Variants in ST18 observed in about 807,000 individuals in gnomAD.
ST18 encodes the protein ST18 C2H2C-type zinc finger transcription factor, also known as suppression of tumorigenicity 18 protein.
ST18 carries 50 observed loss-of-function variants against 110.0 expected under a neutral mutation model. The ratio of observed to expected loss-of-function variants is 0.45; its 90% CI spans 0.36 to 0.58. The LOEUF (loss-of-function observed/expected upper bound fraction) is 0.58, where lower values mean the gene tolerates loss of function less well. Ranked by LOEUF, ST18 falls within the 20% of genes least tolerant of loss-of-function variation. The probability of loss-of-function intolerance (pLI) is 0.00; values close to 1 mark genes in which losing one functional copy is unlikely to be tolerated. For missense variants in ST18, 1,306 were observed against 1,280.1 expected, an observed-to-expected ratio of 1.02 and a Z score of -0.31; for synonymous variants, 461 against 452.4, an observed-to-expected ratio of 1.02 and a Z score of -0.24.
intron 2 of ST18, among the ~76,000 whole-genome samples, chr8:52,401,243 T>G (rs1842735864): frequency 6.6e-6 from 1 of 152,182 alleles, no homozygotes; most frequent in African/African-American, 2.4e-5. Flanking sequence ...CTCTTGCTGC[T>G]TTTTAAATTC....
At chr8:52,388,222 G>A (rs537015767) in intron 2 of ST18, among the ~76,000 whole-genome samples, 1 of 152,230 alleles carries the variant, frequency 6.6e-6, no homozygotes, top group Admixed American at 6.5e-5. Flanking sequence ...GGCGAATACG[G>A]AGATGTGCAC....
intron 2 of ST18, among the ~76,000 whole-genome samples, chr8:52,250,364 C>A (rs185300764): frequency 6.8e-6 from 1 of 147,798 alleles, no homozygotes; most frequent in East Asian, 2.0e-4. Context: ...GTTTACCAAC[C>A]GCTAGGTCCC....
chr8:52,385,414 A>T (rs908309747), intron 2 of ST18, among the ~76,000 whole-genome samples: 1 of 152,178 alleles, frequency 6.6e-6, no homozygotes, highest in African/African-American at 2.4e-5. Context: ...AGCCTGGCCA[A>T]CATGGTGAAA....
chr8:52,135,567 TCA>T (rs1491477310), intron 19 of ST18, among the ~76,000 whole-genome samples: 15 of 31,076 alleles, frequency 4.8e-4, no homozygotes, highest in Non-Finnish European at 7.6e-4. Context: ...AAACTCCATC[TCA>T]AAAAAAAAAA....
intron 2 of ST18, among the ~76,000 whole-genome samples, chr8:52,360,522 A>G (rs1410807136): frequency 6.6e-6 from 1 of 152,090 alleles, no homozygotes; most frequent in Non-Finnish European, 1.5e-5. Flanking sequence ...AAATTATTAT[A>G]CCTAAACAAA....
intron 2 of ST18, among the ~76,000 whole-genome samples, chr8:52,273,354 A>C (rs1335380314): frequency 2.6e-5 from 4 of 152,240 alleles, no homozygotes; most frequent in Non-Finnish European, 5.9e-5. Flanking sequence ...GAGAATTTCA[A>C]CACAACAGAA....
At chr8:52,233,925 A>G (rs569754365) in intron 2 of ST18, among the ~76,000 whole-genome samples, 1 of 152,324 alleles carries the variant, frequency 6.6e-6, no homozygotes, top group East Asian at 1.9e-4. Flanking sequence ...TTGTACATCC[A>G]TCACCTCAAA....
chr8:52,160,224 G>A (rs1196089588), intron 14 of ST18, among the ~76,000 whole-genome samples: 1 of 152,130 alleles, frequency 6.6e-6, no homozygotes, highest in African/African-American at 2.4e-5. Context: ...AAAATTGCAT[G>A]GATAGATAGA....
At chr8:52,207,497 A>G (rs116910519) in intron 8 of ST18, among the ~76,000 whole-genome samples, 5,360 of 152,324 alleles carry the variant, frequency 0.035, 173 homozygotes, top group East Asian at 0.1. Flanking sequence ...GTCTCAAAAA[A>G]TAAATTAATT....
rs114835154 is a variant in ST18 at position 52,238,722 on chromosome 8, G to T, written c.-464-8645C>A. Reference sequence around the variant, plus strand: ...CATCTCCTCTGTAGCAAGATGAATGGAACTAGATGCCATTATCTTAAGGGA... The same window carrying T: ...CATCTCCTCTGTAGCAAGATGAATGTAACTAGATGCCATTATCTTAAGGGA... On this transcript the variant is annotated intron_variant, in intron 2 of 25. Transcript: ENST00000689386. Among the ~76,000 whole-genome samples, 273 of 152,034 alleles carry T rather than the reference G, an allele frequency of 1.8e-3. 1 individual carries two copies. The highest frequency in any genetic ancestry group is 6.2e-3 in the African/African-American group (259 of 41,476).
chr8:52,149,941 C>G lies in ST18; in HGVS notation c.1843G>C (p.Asp615His). 1 of 1,614,000 alleles carries G rather than the reference C, an allele frequency of 6.2e-7. No individual in the cohort carries two copies. Among genetic ancestry groups the G allele is most frequent in the Non-Finnish European group, 8.5e-7 (1 of 1,179,984 alleles). The change falls in exon 16 of 26, where the codon GAC becomes CAC. Residue 615 changes from aspartate to histidine, a missense_variant. Asp to His is a moderately conservative substitution (Grantham distance 81, BLOSUM62 -1). Transcript: ENST00000689386. Reference sequence around the variant, plus strand: ...ATTCGATTTTTTTTCATGCTTAAGTCCAATGTGCCATTTTCATCCACTTCT... The same window carrying G: ...ATTCGATTTTTTTTCATGCTTAAGTGCAATGTGCCATTTTCATCCACTTCT... ...EIEVDENGTL[D>H]LSMKKNRILD...
chr8:52,169,439 CT>C (rs1266468517), intron 10 of ST18, among the ~76,000 whole-genome samples: 1 of 152,172 alleles, frequency 6.6e-6, no homozygotes, highest in African/African-American at 2.4e-5. Flanking sequence ...CAACCTAAAT[CT>C]CACTAAATGC....
At chr8:52,193,369 A>G (rs924133257) in intron 8 of ST18, among the ~76,000 whole-genome samples, 1 of 152,096 alleles carries the variant, frequency 6.6e-6, no homozygotes, top group Admixed American at 6.5e-5. Context: ...ACTTCTGAAA[A>G]TTGCCCTCAA....
rs569244376 is a variant in ST18 at position 52,198,091 on chromosome 8, G to A, written c.86+13988C>T. Among the ~76,000 whole-genome samples, 27 of 152,146 alleles carry A rather than the reference G, an allele frequency of 1.8e-4. 1 individual carries two copies. Among genetic ancestry groups the A allele is most frequent in the Admixed American group, 1.4e-3 (22 of 15,284 alleles). ...GTGCAATGTGCAGTGGCGCGATCTCGGCTCACTGCAACCTTCGTGATTCTC... is the reference window on the plus strand; with the variant it reads ...GTGCAATGTGCAGTGGCGCGATCTCAGCTCACTGCAACCTTCGTGATTCTC... On this transcript the variant is annotated intron_variant, in intron 8 of 25. Transcript: ENST00000689386.
chr8:52,145,055 AT>A (rs11353171), intron 16 of ST18, among the ~76,000 whole-genome samples: 30,432 of 142,868 alleles, frequency 0.21, 3,551 homozygotes, highest in African/African-American at 0.34. Context: ...TTAGATGCTG[AT>A]TTTTTTTTTT....
Position 52,158,956 on chromosome 8 carries a change from G to T in ST18, c.1748C>A (p.Thr583Asn). 6.2e-7 allele frequency: 1 copy of T among 1,614,064 alleles called. No homozygotes were observed. The highest frequency in any genetic ancestry group is 8.5e-7 in the Non-Finnish European group (1 of 1,179,926). ...AAAAAILNLSTRCREATDILS... is the reference protein window; with the variant it reads ...AAAAAILNLSNRCREATDILS... Reference sequence around the variant, plus strand: ...GATGTCTGTGGCTTCCCTGCAGCGGGTGGAAAGGTTCAGGATGGCAGCAGC... The same window carrying T: ...GATGTCTGTGGCTTCCCTGCAGCGGTTGGAAAGGTTCAGGATGGCAGCAGC... The change falls in exon 15 of 26, where the codon ACC becomes AAC. Residue 583 changes from threonine to asparagine, a missense_variant. Thr to Asn is a moderately conservative substitution (Grantham distance 65). Transcript: ENST00000689386.
intron 2 of ST18, among the ~76,000 whole-genome samples, chr8:52,372,271 A>T (rs1285971724): frequency 6.6e-6 from 1 of 152,216 alleles, no homozygotes; most frequent in Admixed American, 6.5e-5. Context: ...TGCAGAATAA[A>T]GATGTAAAGA....
intron 10 of ST18, 84 bp downstream of exon 10, chr8:52,171,708 C>T (rs571480852): frequency 6.9e-7 from 1 of 1,452,954 alleles, no homozygotes; most frequent in South Asian, 1.2e-5. Flanking sequence ...TAAAAAGCTA[C>T]CTGAAAAAAA....
At chr8:52,390,047 A>T (rs1838759493) in intron 2 of ST18, among the ~76,000 whole-genome samples, 1 of 151,970 alleles carries the variant, frequency 6.6e-6, no homozygotes, top group Non-Finnish European at 1.5e-5. Flanking sequence ...TTGGCTAGAG[A>T]TGGGTACCGG....
Sources: gnomAD v4.1 joint callset for allele counts (sites outside exome capture counted in the v4.1 genomes callset) on GRCh38, gnomAD v4.1.1 for gene constraint, MANE v1.5 for transcripts, NCBI Gene and HGNC (gene_info 2026-07-23, HGNC 2026-07-21) for gene names.